GRB2: variants seen among roughly 807,000 people sequenced by gnomAD.
The protein encoded by GRB2 is growth factor receptor bound protein 2.
GRB2 carries 2 observed loss-of-function variants against 27.4 expected under a neutral mutation model. The observed-to-expected ratio is 0.07, with a 90% CI of 0.03 to 0.23. The LOEUF is 0.23. Among genes scored for constraint, GRB2 ranks in the 10% least tolerant of loss-of-function variants. The pLI, the probability that GRB2 is intolerant of heterozygous loss-of-function variation, is 1.00. For missense variants in GRB2, 102 were observed against 282.4 expected (o/e 0.36, Z 4.58); for synonymous variants, 94 against 99.6 (o/e 0.94, Z 0.33).
chr17:75,394,858 G>A (rs1292112873), intron 1 of GRB2: 2 of 152,206 alleles, frequency 1.3e-5, no homozygotes, highest in Non-Finnish European at 2.9e-5. Flanking sequence ...ATCAGACGAT[G>A]AGGAACTGGC....
In GRB2 at chr17:75,384,167, G is replaced by A. The variant is rs750998561; in HGVS notation, c.78+9384C>T. ...AGGTTTTCCTCAAAAAGTCATTTTG[G>A]GTCAGTTTTTCAAATGTCTCAAAGT... On this transcript the variant is annotated intron_variant, in intron 2 of 5. Coordinates refer to ENST00000316804, the MANE Select transcript of GRB2 (RefSeq NM_002086.5). 3.3e-4 allele frequency among the ~76,000 whole-genome samples: 50 copies of A among 152,164 alleles called. 1 individual carries two copies. Among genetic ancestry groups the A allele is most frequent in the Middle Eastern group, 3.4e-3 (1 of 294 alleles).
At chr17:75,367,816 G>A (rs867270060) in intron 2 of GRB2, among the ~76,000 whole-genome samples, 1 of 152,084 alleles carries the variant, frequency 6.6e-6, no homozygotes, top group Non-Finnish European at 1.5e-5. Flanking sequence ...TGGCTAAACA[G>A]AATGTCTCAT....
rs1567854018 is a variant in GRB2, at chr17:75,319,594, T to TGCC, written c.*771_*773dup. The TGCC allele has an allele frequency of 3.5e-5, 1 of 28,620 alleles. No homozygotes were observed. The highest frequency in any genetic ancestry group is 1.9e-4 in the Non-Finnish European group (1 of 5,210). 1.8% of individuals were successfully genotyped at this position (28,620 alleles called of 1,614,324 possible). A position where few individuals can be genotyped will look rare whatever the true frequency, so the allele number is the denominator to read the frequency against. On this transcript the variant is annotated 3_prime_UTR_variant, in exon 6 of 6. Coordinates refer to ENST00000316804, the MANE Select transcript of GRB2 (RefSeq NM_002086.5). ...CCAAGTAGCTGGGACTACAGGTGCG[T>TGCC]GCCACACCCGGCTAATTTCTTATTT...
chr17:75,348,944 G>A (rs1247151935), intron 2 of GRB2, among the ~76,000 whole-genome samples: 1 of 152,130 alleles, frequency 6.6e-6, no homozygotes, highest in Non-Finnish European at 1.5e-5. Flanking sequence ...CCAAAATGCT[G>A]GGATTTCAGG....
intron 3 of GRB2, among the ~76,000 whole-genome samples, chr17:75,326,799 GA>G (rs1290941058): frequency 6.6e-6 from 1 of 152,216 alleles, no homozygotes; most frequent in Admixed American, 6.5e-5. Flanking sequence ...GGCTTATCAA[GA>G]GGAAGAGGAG....
At chr17:75,354,178 C>G (rs917603266) in intron 2 of GRB2, among the ~76,000 whole-genome samples, 1 of 147,332 alleles carries the variant, frequency 6.8e-6, no homozygotes, top group African/African-American at 2.5e-5. Flanking sequence ...CTGGGCTGAA[C>G]AGCATTTTCC....
intron 2 of GRB2, among the ~76,000 whole-genome samples, chr17:75,381,515 G>A (rs985440555): frequency 6.6e-6 from 1 of 151,524 alleles, no homozygotes; most frequent in Non-Finnish European, 1.5e-5. Flanking sequence ...TCAGGAGTTC[G>A]AGACCAGCCT....
chr17:75,389,789 G>A lies in GRB2; in HGVS notation c.78+3762C>T, dbSNP rs577584635. Among the ~76,000 whole-genome samples, 220 of 152,216 alleles carry A rather than the reference G, an allele frequency of 1.4e-3. 1 individual carries two copies. The highest frequency in any genetic ancestry group is 3.4e-3 in the Middle Eastern group (1 of 294). On this transcript the variant is annotated intron_variant, in intron 2 of 5. Transcript: ENST00000316804. The stretch of plus-strand genomic sequence containing the variant: ...GAACCCGGGAGGCAGAGCTTGCAGT[G>A]AGCCGAGATCGCGCCACTGCACTCC...
chr17:75,393,828 A>G (rs1310490667), intron 1 of GRB2, 63 bp from the exon 2 acceptor site: 7 of 551,996 alleles, frequency 1.3e-5, no homozygotes, highest in South Asian at 2.3e-5. Flanking sequence ...CGCCCTGCCA[A>G]TCGGCCTGCT....
chr17:75,388,199 C>T (rs763624035), intron 2 of GRB2, among the ~76,000 whole-genome samples: 3 of 151,976 alleles, frequency 2.0e-5, no homozygotes, highest in East Asian at 1.9e-4. Flanking sequence ...CGGGTTCAAG[C>T]GATTCTCCTC....
intron 2 of GRB2, among the ~76,000 whole-genome samples, chr17:75,340,308 T>G (rs1362033727): frequency 6.6e-6 from 1 of 152,198 alleles, no homozygotes; most frequent in East Asian, 1.9e-4. Context: ...AAACACCATT[T>G]ATAGTTGGTC....
intron 2 of GRB2, among the ~76,000 whole-genome samples, chr17:75,347,875 C>T (rs2145837847): frequency 6.6e-6 from 1 of 152,302 alleles, no homozygotes; most frequent in African/African-American, 2.4e-5. Context: ...TACCAGGACT[C>T]AGACTGAAAT....
intron 1 of GRB2, among the ~76,000 whole-genome samples, chr17:75,398,596 C>T (rs1019146398): frequency 2.0e-5 from 3 of 151,968 alleles, no homozygotes; most frequent in African/African-American, 7.3e-5. Flanking sequence ...TCCACTGACT[C>T]AACATTTTGA....
At chr17:75,391,851 C>A (rs1434879554) in intron 2 of GRB2, among the ~76,000 whole-genome samples, 3 of 151,606 alleles carry the variant, frequency 2.0e-5, no homozygotes, top group African/African-American at 7.3e-5. Context: ...AGACCGCATG[C>A]CCCTAGTTTT....
chr17:75,399,792 C>T (rs1197673209), intron 1 of GRB2, among the ~76,000 whole-genome samples: 1 of 152,070 alleles, frequency 6.6e-6, no homozygotes, highest in Non-Finnish European at 1.5e-5. Context: ...GCCTCAGCCT[C>T]CCGAGTGGCT....
rs181292759 is a variant in GRB2, at chr17:75,386,188, G to A, written c.78+7363C>T. On this transcript the variant is annotated intron_variant, in intron 2 of 5. Transcript: ENST00000316804. ...GGCTGGAGTGCAGTGGCATGATCTC[G>A]GCTCACTGCAACCTCTGCCTCCCGA... Among the ~76,000 whole-genome samples, 441 of 151,694 alleles carry A rather than the reference G, an allele frequency of 2.9e-3. 7 individuals are homozygous for A. Among genetic ancestry groups the A allele is most frequent in the African/African-American group, 0.01 (433 of 41,356 alleles).
intron 2 of GRB2, among the ~76,000 whole-genome samples, chr17:75,352,276 C>G (rs72845384): frequency 6.6e-6 from 1 of 152,076 alleles, no homozygotes; most frequent in African/African-American, 2.4e-5. Flanking sequence ...AGCCTTGCTC[C>G]GCCTCTAGTT....
chr17:75,359,483 G>A (rs1000869011), intron 2 of GRB2, among the ~76,000 whole-genome samples: 9 of 149,260 alleles, frequency 6.0e-5, no homozygotes, highest in African/African-American at 1.7e-4. Flanking sequence ...TCCAGCCTGG[G>A]TGACAGAGTG....
At chr17:75,361,656 G>C (rs1375390400) in intron 2 of GRB2, among the ~76,000 whole-genome samples, 1 of 152,130 alleles carries the variant, frequency 6.6e-6, no homozygotes, top group Non-Finnish European at 1.5e-5. Flanking sequence ...ATTATGGAGT[G>C]GGGAGACGGT....
Sources: gnomAD v4.1 joint callset for allele counts (sites outside exome capture counted in the v4.1 genomes callset) on GRCh38, gnomAD v4.1.1 for gene constraint, MANE v1.5 for transcripts, NCBI Gene and HGNC (gene_info 2026-07-23, HGNC 2026-07-21) for gene names.